Variants in AKR1C3 observed in about 807,000 individuals in gnomAD.
AKR1C3 encodes aldo-keto reductase family 1 member C3, also known as 3-alpha hydroxysteroid dehydrogenase, type II.
A neutral mutation model predicts 43.6 loss-of-function variants in AKR1C3; 48 were observed. The observed-to-expected ratio is 1.10, with a 90% CI of 0.87 to 1.40. AKR1C3 has a LOEUF of 1.40. Ranked by LOEUF, AKR1C3 falls within the 40% of genes most tolerant of loss-of-function variation. The probability of loss-of-function intolerance (pLI) is 0.00; values close to 1 mark genes in which losing one functional copy is unlikely to be tolerated. For synonymous variants in AKR1C3, 162 were observed against 139.6 expected (o/e 1.16, Z -1.13); for missense variants, 482 against 391.2 (o/e 1.23, Z -1.96).
At chr10:5,104,991 T>G (rs1839463325) in intron 7 of AKR1C3, among the ~76,000 whole-genome samples, 1 of 150,012 alleles carries the variant, frequency 6.7e-6, no homozygotes, top group East Asian at 1.9e-4. Context: ...TTTAGTCAAT[T>G]TATAGATTTA....
At chr10:5,070,432 C>T (rs552142024) in intron 1 of AKR1C3, among the ~76,000 whole-genome samples, 27 of 152,336 alleles carry the variant, frequency 1.8e-4, no homozygotes, top group Non-Finnish European at 2.9e-4. Context: ...AGCGTAGTGG[C>T]TCAAGGGCCT....
At chr10:5,076,362 C>A (rs189747725) in intron 1 of AKR1C3, among the ~76,000 whole-genome samples, 1 of 151,968 alleles carries the variant, frequency 6.6e-6, no homozygotes, top group African/African-American at 2.4e-5. Context: ...AGTTAGTTAT[C>A]GGAGATTGAA....
At chr10:5,107,373 A>C in intron 8 of AKR1C3, 88 bp from the exon 9 acceptor site, 2 of 952,010 alleles carry the variant, frequency 2.1e-6, no homozygotes, top group Non-Finnish European at 3.3e-6. Flanking sequence ...CTTAACATTC[A>C]TACTAATGAC....
upstream of AKR1C3, among the ~76,000 whole-genome samples, chr10:5,091,544 TTAA>T (rs1247962095): frequency 6.6e-5 from 10 of 152,182 alleles, no homozygotes; most frequent in Admixed American, 5.2e-4. Context: ...TGTATGATTT[TTAA>T]TAATATTTGT....
rs191041746 is a variant in AKR1C3 at position 5,073,862 on chromosome 10, T to C, written c.85-22548T>C. Among the ~76,000 whole-genome samples the C allele has an allele frequency of 6.2e-4, 94 of 152,232 alleles. 1 individual carries two copies. Among genetic ancestry groups the C allele is most frequent in the Middle Eastern group, 6.8e-3 (2 of 294 alleles). On this transcript the variant is annotated intron_variant, in intron 1 of 8. Coordinates refer to the AKR1C3 transcript ENST00000439082. ...GTCTTGGTTGAAGGCAGAGTTGAGC[T>C]TGAAGGAAACCAAAATATTTCACTC...
At chr10:5,086,601 G>T (rs1474719865) in intron 1 of AKR1C3, among the ~76,000 whole-genome samples, 2 of 151,926 alleles carry the variant, frequency 1.3e-5, no homozygotes, top group African/African-American at 4.9e-5. Context: ...TCCGCTTGGT[G>T]CAGAGCTGAG....
chr10:5,095,966 C>G (rs1340783946), intron 1 of AKR1C3, among the ~76,000 whole-genome samples: 7 of 152,104 alleles, frequency 4.6e-5, no homozygotes, highest in Non-Finnish European at 7.4e-5. Flanking sequence ...AAGAACATCT[C>G]TTGTAGACAG....
chr10:5,087,848 AT>A (rs1222006383), intron 1 of AKR1C3, among the ~76,000 whole-genome samples: 2 of 149,720 alleles, frequency 1.3e-5, no homozygotes, highest in African/African-American at 2.5e-5. Flanking sequence ...GACCATTCTT[AT>A]TTCTTTTCTT....
chr10:5,071,775 C>T (rs1309641948), intron 1 of AKR1C3, among the ~76,000 whole-genome samples: 2 of 152,236 alleles, frequency 1.3e-5, no homozygotes, highest in Admixed American at 1.3e-4. Flanking sequence ...TCCCTTAGTT[C>T]CAGTTAGCAA....
At chr10:5,087,965 A>G (rs1437164679) in intron 1 of AKR1C3, among the ~76,000 whole-genome samples, 1 of 152,122 alleles carries the variant, frequency 6.6e-6, no homozygotes, top group African/African-American at 2.4e-5. Flanking sequence ...GTTTAACACT[A>G]TAAATTTATC....
intron 5 of AKR1C3, among the ~76,000 whole-genome samples, chr10:5,101,288 A>C (rs1483318965): frequency 2.6e-5 from 4 of 151,782 alleles, no homozygotes; most frequent in African/African-American, 7.2e-5. Flanking sequence ...TGATTGTGTA[A>C]ACATCACTAA....
chr10:5,063,096 C>A (rs1554780403), intron 1 of AKR1C3, among the ~76,000 whole-genome samples: 1 of 152,026 alleles, frequency 6.6e-6, no homozygotes, highest in Non-Finnish European at 1.5e-5. Context: ...GAATAGGTGG[C>A]AAAATATGAA....
chr10:5,089,821 G>T (rs1839047350), upstream of AKR1C3, among the ~76,000 whole-genome samples: 1 of 152,070 alleles, frequency 6.6e-6, no homozygotes, highest in Non-Finnish European at 1.5e-5. Context: ...TATGGTGCAA[G>T]AATTCTTGTA....
chr10:5,049,152 G>C (rs1838099271), intron 1 of AKR1C3, among the ~76,000 whole-genome samples: 1 of 151,962 alleles, frequency 6.6e-6, no homozygotes, highest in Non-Finnish European at 1.5e-5. Flanking sequence ...TTCATAGCTT[G>C]TCAGAATCCA....
intron 3 of AKR1C3, chr10:5,098,037 CTCT>C: frequency 3.0e-6 from 3 of 999,584 alleles, no homozygotes; most frequent in Non-Finnish European, 3.6e-6. Context: ...ATTCTGCTGC[CTCT>C]TCTTTCACAA....
At chr10:5,073,720 G>A (rs1194283345) in intron 1 of AKR1C3, among the ~76,000 whole-genome samples, 1 of 152,266 alleles carries the variant, frequency 6.6e-6, no homozygotes, top group African/African-American at 2.4e-5. Flanking sequence ...CTGTATTTTG[G>A]TATTCCAGAG....
chr10:5,080,378 T>C (rs2398186), intron 1 of AKR1C3, among the ~76,000 whole-genome samples: 133,024 of 152,222 alleles, frequency 0.87, 58,368 homozygotes, highest in African/African-American at 0.96. Context: ...AATCCCAGCA[T>C]GTTGGAAGGC....
chr10:5,062,843 G>T (rs1423111076), intron 1 of AKR1C3, among the ~76,000 whole-genome samples: 3 of 122,948 alleles, frequency 2.4e-5, no homozygotes, highest in African/African-American at 6.2e-5. Context: ...TATTTCCACA[G>T]AACTCCTAGT....
At position 5,102,581 on chromosome 10, in the gene AKR1C3, C is replaced by G. The variant is rs1425659051; in HGVS notation, c.777C>G (p.Tyr259Ter). The G allele has an allele frequency of 1.3e-6, 2 of 1,553,344 alleles. No individual in the cohort carries two copies. The highest frequency in any genetic ancestry group is 2.4e-5 in the South Asian group (2 of 83,820). ...CCCCAGCCCTGATTGCCCTGCGCTA[C>G]CAGCTGCAGCGTGGGGTTGTGGTCC... ...KRTPALIALR[Y>*]QLQRGVVVLA... The change falls in exon 7 of 9, where the codon TAC becomes TAG. Residue 259 changes from tyrosine (Y) to a stop codon, truncating the protein, a stop_gained. Transcript: ENST00000380554. LOFTEE classifies it high-confidence loss of function.
Sources: allele counts gnomAD v4.1 joint callset (sites outside exome capture counted in the v4.1 genomes callset), GRCh38; gene constraint gnomAD v4.1.1; transcripts MANE v1.5; gene names NCBI Gene and HGNC (gene_info 2026-07-23, HGNC 2026-07-21).